FBXL14: variants seen among roughly 807,000 people sequenced by gnomAD.
FBXL14 encodes the protein F-box and leucine rich repeat protein 14.
FBXL14 carries 11 observed loss-of-function variants against 24.5 expected under a neutral mutation model. The observed-to-expected ratio is 0.45, with a 90% confidence interval of 0.28 to 0.74. The LOEUF (loss-of-function observed/expected upper bound fraction) is 0.74, where lower values mean the gene tolerates loss of function less well. Ranked by LOEUF, FBXL14 falls within the 30% of genes least tolerant of loss-of-function variation. FBXL14 has a pLI of 0.12. For synonymous variants in FBXL14, 294 were observed against 240.4 expected (o/e 1.22, Z -2.06); for missense variants, 384 against 545.6 (o/e 0.70, Z 2.95).
chr12:1,593,348 C>A lies in FBXL14; in HGVS notation c.719G>T (p.Gly240Val). ...GTGCAGGAGGCCAGCGTCCGAGATT[C>A]CCCCACAGAAGCTGAGGTTGAGGAG... is the stretch of plus-strand genomic sequence containing the variant. ...LRLLNLSFCG[G>V]ISDAGLLHLS... Residue 240 changes from glycine to valine, a missense_variant, in exon 1 of 2, where the codon GGA (glycine) becomes GTA (valine). By Grantham distance (109) the Gly-to-Val change is moderately radical. Transcript: ENST00000339235. This position sits in a 1 kb window ranked among gnomAD's most constrained non-coding sequence, Gnocchi z 7.4. 2.5e-6 allele frequency: 4 copies of A among 1,613,788 alleles called. No individual in the cohort carries two copies. Among genetic ancestry groups the A allele is most frequent in the Non-Finnish European group, 3.4e-6 (4 of 1,180,032 alleles).
intron 1 of FBXL14, among the ~76,000 whole-genome samples, chr12:1,591,763 G>C (rs1305611882): frequency 1.3e-5 from 2 of 152,214 alleles, no homozygotes; most frequent in Non-Finnish European, 2.9e-5. Context: ...CTGCAGGCCA[G>C]CTCTGCTCCT....
chr12:1,583,035 C>G (rs1434643299), intron 1 of FBXL14, among the ~76,000 whole-genome samples: 1 of 151,966 alleles, frequency 6.6e-6, no homozygotes, highest in Non-Finnish European at 1.5e-5. Flanking sequence ...TTCGTCAGGG[C>G]TGTTATTATT....
At chr12:1,584,229 T>C (rs925995926) in intron 1 of FBXL14, among the ~76,000 whole-genome samples, 1 of 152,052 alleles carries the variant, frequency 6.6e-6, no homozygotes, top group African/African-American at 2.4e-5. Flanking sequence ...CACATGCCTG[T>C]GGTCCCAGCT....
chr12:1,592,755 C>T, intron 1 of FBXL14, 118 bp downstream of exon 1: 1 of 899,966 alleles, frequency 1.1e-6, no homozygotes, highest in South Asian at 1.8e-5. Flanking sequence ...GTCATAGCCC[C>T]ATCTCATCCG....
At chr12:1,576,744 C>T (rs2094456753) in intron 1 of FBXL14, among the ~76,000 whole-genome samples, 1 of 152,144 alleles carries the variant, frequency 6.6e-6, no homozygotes, top group Non-Finnish European at 1.5e-5. Flanking sequence ...CCTCCATACG[C>T]GTAAGTGGGA....
chr12:1,582,775 A>G (rs1368577331), intron 1 of FBXL14, among the ~76,000 whole-genome samples: 1 of 152,224 alleles, frequency 6.6e-6, no homozygotes, highest in African/African-American at 2.4e-5. Context: ...GCAGGGGATA[A>G]CTGCCTCCAC....
At chr12:1,574,021 A>G (rs542011000) in intron 1 of FBXL14, among the ~76,000 whole-genome samples, 4 of 152,214 alleles carry the variant, frequency 2.6e-5, no homozygotes, top group Admixed American at 2.0e-4. Context: ...AAAGAAAAAA[A>G]AAAAAAAGAG....
At chr12:1,588,034 A>T (rs1265934921) in intron 1 of FBXL14, among the ~76,000 whole-genome samples, 1 of 152,236 alleles carries the variant, frequency 6.6e-6, no homozygotes, top group African/African-American at 2.4e-5. Context: ...GACTTACTAT[A>T]GTCCCTCCCT....
intron 1 of FBXL14, among the ~76,000 whole-genome samples, chr12:1,592,227 TATAGA>T (rs1221901595): frequency 1.4e-5 from 2 of 147,236 alleles, no homozygotes; most frequent in African/African-American, 5.0e-5. Flanking sequence ...ATATATAATA[TATAGA>T]ATATATTCAG....
Position 1,567,893 on chromosome 12 carries a change from A to ACACGCGCG in FBXL14, c.1195-1084_1195-1083insCGCGCGTG, listed in dbSNP as rs2094438897. Among the ~76,000 whole-genome samples, 1 of 152,086 alleles carries ACACGCGCG rather than the reference A, an allele frequency of 6.6e-6. No individual in the cohort carries two copies. Among genetic ancestry groups the ACACGCGCG allele is most frequent in the Non-Finnish European group, 1.5e-5 (1 of 67,984 alleles). ...AACCCACCCACACGCACACGCGCGC[A>ACACGCGCG]CACACGTGCGCACACACACAGAACA... On this transcript the variant is annotated intron_variant, in intron 1 of 1. Coordinates refer to ENST00000339235, the MANE Select transcript of FBXL14 (RefSeq NM_152441.3). The surrounding 1 kb of genome is among the most constrained non-coding windows in gnomAD (Gnocchi z 4.8).
intron 1 of FBXL14, among the ~76,000 whole-genome samples, chr12:1,585,308 G>A (rs759245642): frequency 1.4e-4 from 22 of 151,942 alleles, no homozygotes; most frequent in African/African-American, 4.1e-4. Flanking sequence ...TGAGCCAGGA[G>A]AATGGCGTGA....
chr12:1,589,296 G>C (rs968225478), intron 1 of FBXL14, among the ~76,000 whole-genome samples: 1 of 150,842 alleles, frequency 6.6e-6, no homozygotes, highest in East Asian at 1.9e-4. Flanking sequence ...CTACTCAGGA[G>C]GCTAGGTGGG....
intron 1 of FBXL14, among the ~76,000 whole-genome samples, chr12:1,584,153 T>C (rs950515728): frequency 1.3e-5 from 2 of 152,056 alleles, no homozygotes; most frequent in Non-Finnish European, 2.9e-5. Context: ...GAGACCAGCC[T>C]AGGCAGCATA....
chr12:1,576,885 T>G (rs1357386688), intron 1 of FBXL14, among the ~76,000 whole-genome samples: 1 of 152,226 alleles, frequency 6.6e-6, no homozygotes, highest in African/African-American at 2.4e-5. Context: ...TTCATAAACT[T>G]TAGCATTTTA....
Position 1,579,386 on chromosome 12 carries a change from T to C in FBXL14, c.1195-12576A>G, listed in dbSNP as rs748449042. Among the ~76,000 whole-genome samples, 7 of 151,864 alleles carry C rather than the reference T, an allele frequency of 4.6e-5. No individual in the cohort carries two copies. Among genetic ancestry groups the C allele is most frequent in the Non-Finnish European group, 7.4e-5 (5 of 67,948 alleles). The stretch of plus-strand genomic sequence containing the variant: ...ATCCCAGCACTTTGGGAGGCTGAGG[T>C]GGGTGGATCACCTGAGGTCAGGAGT... On this transcript the variant is annotated intron_variant, in intron 1 of 1. Coordinates refer to ENST00000339235, the MANE Select transcript of FBXL14 (RefSeq NM_152441.3). The surrounding 1 kb of genome is among the most constrained non-coding windows in gnomAD (Gnocchi z 4.3).
rs1382211132 is a variant in FBXL14, at chr12:1,593,043, G to A, written c.1024C>T (p.Arg342Cys). The A allele has an allele frequency of 5.0e-6, 8 of 1,612,138 alleles. No individual in the cohort carries two copies. In the African/African-American group the frequency reaches 6.7e-5, roughly 13 times the overall value. The change falls in exon 1 of 2, where the codon CGC (arginine) becomes TGC (cysteine). Residue 342 changes from arginine to cysteine, a missense_variant. Coordinates refer to ENST00000339235, the MANE Select transcript of FBXL14 (RefSeq NM_152441.3). The surrounding 1 kb of genome is among the most constrained non-coding windows in gnomAD (Gnocchi z 7.4). ...LRTLNIGQCVRITDKGLELIA... is the reference protein window; with the variant it reads ...LRTLNIGQCVCITDKGLELIA... ...AGCTCCAGGCCCTTGTCCGTGATGC[G>A]CACACACTGTCCAATGTTGAGCGTG...
At chr12:1,580,702 G>A (rs1031342649) in intron 1 of FBXL14, among the ~76,000 whole-genome samples, 4 of 152,182 alleles carry the variant, frequency 2.6e-5, no homozygotes, top group Admixed American at 2.6e-4. Flanking sequence ...GAAATGTCCA[G>A]CTGGGATTTT....
intron 1 of FBXL14, among the ~76,000 whole-genome samples, chr12:1,577,999 G>A (rs536263253): frequency 7.2e-5 from 11 of 152,280 alleles, no homozygotes; most frequent in African/African-American, 2.6e-4. Flanking sequence ...TCTTTTCTCC[G>A]TGGATTCAGG....
Position 1,593,187 on chromosome 12 carries a change from C to T in FBXL14, c.880G>A (p.Asp294Asn). 1 of 1,613,454 alleles carries T rather than the reference C, an allele frequency of 6.2e-7. No homozygotes were observed. Among genetic ancestry groups the T allele is most frequent in the Non-Finnish European group, 8.5e-7 (1 of 1,180,036 alleles). The change falls in exon 1 of 2, where the codon GAC (aspartate) becomes AAC (asparagine). Residue 294 changes from aspartate (D) to asparagine (N), a missense_variant. Physicochemically the swap from Asp to Asn is conservative, Grantham distance 23 (BLOSUM62 1). Transcript: ENST00000339235. The surrounding 1 kb of genome is among the most constrained non-coding windows in gnomAD (Gnocchi z 7.4). ...TGGGCTATGTAAGCCAGACTCTGGT[C>T]TCCCACCTTGTCACAGAACGAAACA... is the stretch of plus-strand genomic sequence containing the variant. ...LDVSFCDKVG[D>N]QSLAYIAQGL...
Sources: gnomAD v4.1 joint callset for allele counts (sites outside exome capture counted in the v4.1 genomes callset) on GRCh38, gnomAD v4.1.1 for gene constraint, Gnocchi (gnomAD v3.1) non-coding constraint, MANE v1.5 for transcripts, NCBI Gene and HGNC (gene_info 2026-07-23, HGNC 2026-07-21) for gene names.